The following DIP2C variants were observed in gnomAD, a reference collection of about 807,000 sequenced individuals.
DIP2C encodes the protein disco-interacting protein 2 homolog C.
A neutral mutation model predicts 192.4 loss-of-function variants in DIP2C; 33 were observed. The observed-to-expected ratio is 0.17, with a 90% CI of 0.13 to 0.23. The LOEUF (loss-of-function observed/expected upper bound fraction) is 0.23, where lower values mean the gene tolerates loss of function less well. Ranked by LOEUF, DIP2C falls within the 10% of genes least tolerant of loss-of-function variation. DIP2C has a pLI of 1.00. For missense variants in DIP2C, 1,537 were observed against 2,110.1 expected, an observed-to-expected ratio of 0.73 and a Z score of 5.32; for synonymous variants, 979 against 864.1, an observed-to-expected ratio of 1.13 and a Z score of -2.33.
At chr10:326,496 C>T (rs1170770470) in intron 31 of DIP2C, among the ~76,000 whole-genome samples, 3 of 152,224 alleles carry the variant, frequency 2.0e-5, no homozygotes, top group Admixed American at 6.5e-5. Context: ...GCAGCTCTGC[C>T]TGCAGCTTGT....
At chr10:487,588 T>TTG (rs1844117337) in intron 1 of DIP2C, among the ~76,000 whole-genome samples, 1 of 140,480 alleles carries the variant, frequency 7.1e-6, no homozygotes, top group African/African-American at 2.7e-5. Flanking sequence ...TTTTTTTTTT[T>TTG]TTTTTTTTTG....
intron 1 of DIP2C, among the ~76,000 whole-genome samples, chr10:556,442 C>T (rs1477875349): frequency 7.0e-6 from 1 of 143,620 alleles, no homozygotes; most frequent in Non-Finnish European, 1.5e-5. Flanking sequence ...ATCACGCAGC[C>T]ACCCACACCT....
chr10:491,298 A>G (rs375842439), intron 1 of DIP2C, among the ~76,000 whole-genome samples: 27 of 152,354 alleles, frequency 1.8e-4, no homozygotes, highest in African/African-American at 6.0e-4. Context: ...GTGCAGTGTC[A>G]GGAGACTATT....
chr10:479,691 GTA>G (rs1843442265), intron 2 of DIP2C, among the ~76,000 whole-genome samples: 1 of 152,086 alleles, frequency 6.6e-6, no homozygotes, highest in Non-Finnish European at 1.5e-5. Context: ...CCACACATCA[GTA>G]TATATTTGCT....
intron 2 of DIP2C, among the ~76,000 whole-genome samples, chr10:482,392 T>C (rs1441032781): frequency 6.6e-6 from 1 of 152,090 alleles, no homozygotes; most frequent in Non-Finnish European, 1.5e-5. Flanking sequence ...GACCCCATGA[T>C]GGAAAAAGTG....
In DIP2C at chr10:274,548, A is replaced by G. The variant is rs879196487; in HGVS notation, c.*2777T>C. ...GATGTACAAAGCGTACTGGTGGTTT[A>G]ACATACAAGAAGGTTGCTGTCCTTT... On this transcript the variant is annotated 3_prime_UTR_variant, in exon 37 of 37. Coordinates refer to ENST00000280886, the MANE Select transcript of DIP2C (RefSeq NM_014974.3). 2.6e-5 allele frequency: 4 copies of G among 152,258 alleles called. No individual in the cohort carries two copies. The South Asian group carries it at 8.3e-4, about 31-fold the overall frequency. 9.4% of individuals were successfully genotyped at this position (152,258 alleles called of 1,614,324 possible).
At chr10:525,167 A>C (rs1033094991) in intron 1 of DIP2C, among the ~76,000 whole-genome samples, 17 of 152,294 alleles carry the variant, frequency 1.1e-4, no homozygotes, top group African/African-American at 3.9e-4. Flanking sequence ...CCCACAGCAT[A>C]TCTCTTTTGT....
At chr10:661,993 TCTC>T (rs1311834164) in intron 1 of DIP2C, 1 of 710,910 alleles carries the variant, frequency 1.4e-6, no homozygotes, top group Admixed American at 2.0e-5. Context: ...GGCTGCCTTC[TCTC>T]CTCCTCTCGC....
Position 472,542 on chromosome 10 carries a change from G to C in DIP2C, c.165C>G (p.Asp55Glu). 4 of 1,613,988 alleles carry C rather than the reference G, an allele frequency of 2.5e-6. No homozygotes were observed. Among genetic ancestry groups the C allele is most frequent in the Non-Finnish European group, 3.4e-6 (4 of 1,179,958 alleles). Residue 55 changes from aspartate (D) to glutamate (E), a missense_variant, in exon 3 of 37, where the codon GAC becomes GAG. By Grantham distance (45) the Asp-to-Glu change is conservative (BLOSUM62 2). This residue lies in a region of DIP2C where 473 missense variants were observed against 539.6 expected (regional missense o/e 0.88). Transcript: ENST00000280886. Reference sequence around the variant, plus strand: ...CCCGGCGTTCTTGCGGCAAAGCTTGGTCCACCCCTGGATTTCAATAAAAAC... The same window carrying C: ...CCCGGCGTTCTTGCGGCAAAGCTTGCTCCACCCCTGGATTTCAATAAAAAC... Reference protein sequence around the residue: ...GAYLPQPPRVDQALPQERRAP... With the variant: ...GAYLPQPPRVEQALPQERRAP...
At chr10:623,179 G>T (rs573426534) in intron 1 of DIP2C, among the ~76,000 whole-genome samples, 3 of 152,192 alleles carry the variant, frequency 2.0e-5, no homozygotes, top group South Asian at 2.1e-4. Context: ...GGTGACAGGA[G>T]GGGGCACGGA....
chr10:554,143 G>A (rs555038722), intron 1 of DIP2C, among the ~76,000 whole-genome samples: 4 of 151,832 alleles, frequency 2.6e-5, no homozygotes, highest in African/African-American at 7.3e-5. Context: ...AGGAGAAAAG[G>A]TACAGCTTGT....
intron 28 of DIP2C, among the ~76,000 whole-genome samples, chr10:341,858 C>T (rs542937754): frequency 9.0e-4 from 137 of 152,162 alleles, no homozygotes; most frequent in Non-Finnish European, 1.7e-3. Flanking sequence ...GCCTGGACAA[C>T]GGAGTGAGAC....
intron 21 of DIP2C, among the ~76,000 whole-genome samples, 198 bp from the exon 22 acceptor site, chr10:362,889 G>A (rs1231310277): frequency 2.0e-5 from 3 of 152,122 alleles, no homozygotes; most frequent in African/African-American, 7.2e-5. Context: ...CAGGGCTTGT[G>A]GAAGACCATA....
intron 1 of DIP2C, among the ~76,000 whole-genome samples, chr10:577,449 T>C (rs772909171): frequency 6.6e-6 from 1 of 152,248 alleles, no homozygotes; most frequent in Non-Finnish European, 1.5e-5. Context: ...TTTCTCATGC[T>C]AAGCCGTCAC....
rs370391944 is a variant in DIP2C, at chr10:561,784, CAG to C, written c.86-75256_86-75255del. On this transcript the variant is annotated intron_variant, in intron 1 of 36. Coordinates refer to ENST00000280886, the MANE Select transcript of DIP2C (RefSeq NM_014974.3). ...CAGAGAGAGCAGGTGCCACAAAACT[CAG>C]TGTTTTCGCCATTGTGAAGGCAAAT... Among the ~76,000 whole-genome samples, 925 of 152,256 alleles carry C rather than the reference CAG, an allele frequency of 6.1e-3. 11 individuals carry two copies. The highest frequency in any genetic ancestry group is 0.021 in the African/African-American group (871 of 41,490).
intron 29 of DIP2C, among the ~76,000 whole-genome samples, chr10:330,857 G>T (rs11251758): frequency 6.9e-6 from 1 of 144,442 alleles, no homozygotes; most frequent in Admixed American, 7.2e-5. Flanking sequence ...CTGTCACCCA[G>T]ACTGGAGTGC....
chr10:561,924 T>G (rs1391115140), intron 1 of DIP2C, among the ~76,000 whole-genome samples: 1 of 152,148 alleles, frequency 6.6e-6, no homozygotes, highest in Non-Finnish European at 1.5e-5. Flanking sequence ...CCACCTTCGG[T>G]GTCAGCAGTG....
intron 1 of DIP2C, among the ~76,000 whole-genome samples, chr10:551,546 A>G (rs1434137454): frequency 1.3e-5 from 2 of 152,172 alleles, no homozygotes; most frequent in East Asian, 3.8e-4. Flanking sequence ...GCACAAACCC[A>G]CAAGTGCCTT....
intron 29 of DIP2C, among the ~76,000 whole-genome samples, chr10:330,295 C>A (rs962486450): frequency 1.3e-5 from 2 of 152,080 alleles, no homozygotes; most frequent in Non-Finnish European, 2.9e-5. Flanking sequence ...AATAACGATT[C>A]TTTAATTTTA....
Sources: allele counts gnomAD v4.1 joint callset (sites outside exome capture counted in the v4.1 genomes callset), GRCh38; gene constraint gnomAD v4.1.1; regional missense constraint gnomAD v4.1.1; transcripts MANE v1.5; gene names NCBI Gene and HGNC (gene_info 2026-07-23, HGNC 2026-07-21).